Variants in CCDC192 observed in about 807,000 individuals in gnomAD.
CCDC192 encodes coiled-coil domain-containing protein 192.
intron 6 of CCDC192, among the ~76,000 whole-genome samples, chr5:127,891,434 A>C (rs1752728675): frequency 6.6e-6 from 1 of 152,036 alleles, no homozygotes; most frequent in African/African-American, 2.4e-5. Flanking sequence ...TCCACTACCA[A>C]ATCTAAATTC....
At position 127,708,616 on chromosome 5, in the gene CCDC192, A is replaced by G. The variant is rs534793794; in HGVS notation, c.114+856A>G. Among the ~76,000 whole-genome samples the G allele has an allele frequency of 2.0e-5, 3 of 152,238 alleles. No individual in the cohort carries two copies. In the East Asian group the frequency reaches 5.8e-4, roughly 29 times the overall value. Reference sequence around the variant, plus strand: ...ACTTGGGATGAGGCCAAAATTTGCCATCTCCAACCTTTGTGATGATAGCCA... The same window carrying G: ...ACTTGGGATGAGGCCAAAATTTGCCGTCTCCAACCTTTGTGATGATAGCCA... On this transcript the variant is annotated intron_variant, in intron 2 of 6. Coordinates refer to ENST00000514853, the MANE Select transcript of CCDC192 (RefSeq NM_001317938.2).
chr5:127,811,780 C>T (rs539918182), intron 5 of CCDC192, among the ~76,000 whole-genome samples: 3 of 152,032 alleles, frequency 2.0e-5, no homozygotes, highest in South Asian at 4.1e-4. Flanking sequence ...AATCATGATA[C>T]GTGATAGAGT....
chr5:127,834,210 A>AT, intron 5 of CCDC192, among the ~76,000 whole-genome samples: 1 of 152,168 alleles, frequency 6.6e-6, no homozygotes. Flanking sequence ...TGACCAGCCC[A>AT]TATCTTTCAT....
intron 2 of CCDC192, among the ~76,000 whole-genome samples, chr5:127,752,869 C>T (rs1350390376): frequency 1.3e-5 from 2 of 152,126 alleles, no homozygotes; most frequent in Non-Finnish European, 2.9e-5. Flanking sequence ...GGGAGTGACC[C>T]GATTTTCCAG....
At chr5:127,789,915 T>C (rs944486783) in intron 3 of CCDC192, among the ~76,000 whole-genome samples, 1 of 152,142 alleles carries the variant, frequency 6.6e-6, no homozygotes, top group Middle Eastern at 3.2e-3. Context: ...TGGAAGAAAT[T>C]TGAAACCAAG....
rs562148722 is a variant in CCDC192 at position 127,768,266 on chromosome 5, TA to T, written c.222+13901del. On this transcript the variant is annotated intron_variant, in intron 3 of 6. Transcript: ENST00000514853. ...GACTCCATCTCAAAAAATAAAAAAG[TA>T]AAAAAAAAATAAGGTCATACTGGAG... Among the ~76,000 whole-genome samples the T allele has an allele frequency of 7.2e-3, 1,069 of 148,216 alleles. 15 individuals carry two copies. Among genetic ancestry groups the T allele is most frequent in the African/African-American group, 0.025 (1,007 of 40,414 alleles).
chr5:127,762,295 T>C (rs1175962209), intron 3 of CCDC192, among the ~76,000 whole-genome samples: 1 of 152,222 alleles, frequency 6.6e-6, no homozygotes, highest in Non-Finnish European at 1.5e-5. Flanking sequence ...GAGTTCCTTA[T>C]CAACATGAAG....
At chr5:127,888,900 T>C (rs990099503) in intron 6 of CCDC192, among the ~76,000 whole-genome samples, 1 of 151,990 alleles carries the variant, frequency 6.6e-6, no homozygotes, top group Non-Finnish European at 1.5e-5. Flanking sequence ...TAACTTTTCC[T>C]TGTAAGTCCC....
intron 6 of CCDC192, chr5:127,935,606 C>G (rs1754166281): frequency 6.6e-6 from 1 of 152,176 alleles, no homozygotes; most frequent in Non-Finnish European, 1.5e-5. Context: ...TGAAACCACT[C>G]CTTCTTGCTC....
At chr5:127,924,602 G>C (rs1178048779) in intron 6 of CCDC192, among the ~76,000 whole-genome samples, 1 of 152,200 alleles carries the variant, frequency 6.6e-6, no homozygotes, top group Non-Finnish European at 1.5e-5. Flanking sequence ...TGTGACCCCA[G>C]ATCAGTAGGA....
intron 3 of CCDC192, among the ~76,000 whole-genome samples, chr5:127,774,279 A>G (rs1272470594): frequency 6.6e-6 from 1 of 152,134 alleles, no homozygotes; most frequent in East Asian, 1.9e-4. Context: ...AAATTTAACT[A>G]TTTTTAACAT....
intron 3 of CCDC192, among the ~76,000 whole-genome samples, chr5:127,759,493 A>G (rs1262352759): frequency 6.6e-6 from 1 of 151,836 alleles, no homozygotes; most frequent in African/African-American, 2.4e-5. Flanking sequence ...AGACCCTCAT[A>G]AGACACCAGA....
chr5:127,871,360 T>A (rs1373180569), intron 5 of CCDC192, among the ~76,000 whole-genome samples: 1 of 152,236 alleles, frequency 6.6e-6, no homozygotes, highest in Admixed American at 6.5e-5. Context: ...TAAAGTATGA[T>A]AACTCCCATT....
At chr5:127,745,823 T>C (rs1484059264) in intron 2 of CCDC192, among the ~76,000 whole-genome samples, 1 of 152,172 alleles carries the variant, frequency 6.6e-6, no homozygotes, top group East Asian at 1.9e-4. Context: ...ATTGCATGTG[T>C]CCACACGTAC....
chr5:127,911,929 ATTTTT>A (rs955064543), intron 6 of CCDC192, among the ~76,000 whole-genome samples: 1 of 147,426 alleles, frequency 6.8e-6, no homozygotes, highest in Non-Finnish European at 1.5e-5. Flanking sequence ...CTCTCACCAA[ATTTTT>A]TTTTTCGGAT....
At chr5:127,894,145 C>T (rs1752806472) in intron 6 of CCDC192, among the ~76,000 whole-genome samples, 1 of 151,376 alleles carries the variant, frequency 6.6e-6, no homozygotes, top group South Asian at 2.1e-4. Flanking sequence ...GACTTAATGA[C>T]TCGTGGGCAT....
At chr5:127,919,451 C>T (rs1753644613) in intron 6 of CCDC192, among the ~76,000 whole-genome samples, 1 of 152,052 alleles carries the variant, frequency 6.6e-6, no homozygotes, top group African/African-American at 2.4e-5. Flanking sequence ...AGAACCCATC[C>T]ATATTTTGCA....
intron 5 of CCDC192, among the ~76,000 whole-genome samples, chr5:127,830,426 T>C (rs950346079): frequency 2.0e-5 from 3 of 152,278 alleles, no homozygotes; most frequent in Middle Eastern, 3.4e-3. Flanking sequence ...AAGTCCATGA[T>C]CAAGCTTCCA....
intron 3 of CCDC192, 57 bp downstream of exon 3, chr5:127,754,432 T>A: frequency 5.1e-6 from 2 of 393,930 alleles, no homozygotes; most frequent in Non-Finnish European, 4.5e-6. Context: ...GCATGGCAAG[T>A]GTAAATGTAA....
Sources: allele counts gnomAD v4.1 joint callset (sites outside exome capture counted in the v4.1 genomes callset), GRCh38; gene constraint gnomAD v4.1.1; transcripts MANE v1.5; gene names NCBI Gene and HGNC (gene_info 2026-07-23, HGNC 2026-07-21).